Variants in PPM1E observed in about 807,000 individuals in gnomAD.
PPM1E encodes protein phosphatase, Mg2+/Mn2+ dependent 1E.
PPM1E carries 20 observed loss-of-function variants against 65.9 expected under a neutral mutation model. That is an observed-to-expected ratio of 0.30 (90% confidence interval 0.21 to 0.44). The LOEUF (loss-of-function observed/expected upper bound fraction) is 0.44. Among genes scored for constraint, PPM1E ranks in the 20% least tolerant of loss-of-function variants. The pLI is 1.00. For missense variants in PPM1E, 713 were observed against 953.1 expected (o/e 0.75, Z 3.32); for synonymous variants, 352 against 374.9 (o/e 0.94, Z 0.70).
At chr17:58,771,029 G>C (rs995496978) in intron 1 of PPM1E, among the ~76,000 whole-genome samples, 1 of 151,706 alleles carries the variant, frequency 6.6e-6, no homozygotes, top group African/African-American at 2.4e-5. Flanking sequence ...ACTAATTTTT[G>C]TATTTTTAGT....
At chr17:58,965,066 A>G (rs1160886004) in intron 2 of PPM1E, among the ~76,000 whole-genome samples, 1 of 150,620 alleles carries the variant, frequency 6.6e-6, no homozygotes, top group Non-Finnish European at 1.5e-5. Flanking sequence ...AAAAAAAAGT[A>G]TATATATACA....
chr17:58,951,260 G>C (rs1466699159), intron 1 of PPM1E: 4 of 152,226 alleles, frequency 2.6e-5, no homozygotes, highest in Non-Finnish European at 5.9e-5. Flanking sequence ...GAGTCCAGGA[G>C]TTCTGGCCTA....
chr17:58,807,145 G>A (rs2050323886), intron 1 of PPM1E, among the ~76,000 whole-genome samples: 1 of 152,052 alleles, frequency 6.6e-6, no homozygotes, highest in African/African-American at 2.4e-5. Flanking sequence ...TGTTGAACTT[G>A]GATACATGAG....
intron 1 of PPM1E, among the ~76,000 whole-genome samples, chr17:58,787,535 T>A (rs1297213246): frequency 6.6e-6 from 1 of 152,186 alleles, no homozygotes; most frequent in Non-Finnish European, 1.5e-5. Flanking sequence ...ATTATTTCCA[T>A]GTGTGTAGCA....
chr17:58,783,833 G>C (rs547317677), intron 1 of PPM1E, among the ~76,000 whole-genome samples: 1 of 151,746 alleles, frequency 6.6e-6, no homozygotes, highest in Non-Finnish European at 1.5e-5. Context: ...TCAGCCTCCC[G>C]AGTAGCTGGG....
intron 1 of PPM1E, among the ~76,000 whole-genome samples, chr17:58,894,975 CTA>C (rs1344988547): frequency 6.6e-6 from 1 of 152,154 alleles, no homozygotes; most frequent in African/African-American, 2.4e-5. Flanking sequence ...TGTGGCAACT[CTA>C]TGTTCAACAA....
intron 1 of PPM1E, among the ~76,000 whole-genome samples, chr17:58,759,899 T>C (rs1378138675): frequency 6.6e-6 from 1 of 152,234 alleles, no homozygotes; most frequent in Non-Finnish European, 1.5e-5. Flanking sequence ...AATTTACAAA[T>C]ATATAAATGG....
At chr17:58,836,101 A>G (rs1293554957) in intron 1 of PPM1E, 3 of 152,114 alleles carry the variant, frequency 2.0e-5, no homozygotes, top group African/African-American at 7.2e-5. Flanking sequence ...GTGGCTTTAG[A>G]ATCTCTAACA....
At chr17:58,834,602 G>C (rs571810335) in intron 1 of PPM1E, among the ~76,000 whole-genome samples, 1 of 152,236 alleles carries the variant, frequency 6.6e-6, no homozygotes, top group South Asian at 2.1e-4. Context: ...GGTCCATTTT[G>C]TCTCCTACAG....
intron 1 of PPM1E, among the ~76,000 whole-genome samples, chr17:58,891,611 A>T (rs1486314603): frequency 6.6e-6 from 1 of 151,954 alleles, no homozygotes; most frequent in Admixed American, 6.6e-5. Flanking sequence ...GCATGAGCCA[A>T]CGCGCCTGGC....
chr17:58,983,091 TTCTC>T lies in PPM1E; in HGVS notation c.*2061_*2064del. ...AAAAAGTTACTACACATGCTAGGCT[TTCTC>T]AGTGGGGAAAAAAATGGCTGGATAG... On this transcript the variant is annotated 3_prime_UTR_variant, in exon 7 of 7. Transcript: ENST00000308249. 1.7e-6 allele frequency: 1 copy of T among 581,842 alleles called. No individual in the cohort carries two copies. The highest frequency in any genetic ancestry group is 2.9e-6 in the Non-Finnish European group (1 of 339,788). 36.0% of individuals were successfully genotyped at this position (581,842 alleles called of 1,614,324 possible).
intron 1 of PPM1E, among the ~76,000 whole-genome samples, chr17:58,798,857 C>A (rs2050232822): frequency 2.0e-5 from 3 of 151,934 alleles, no homozygotes; most frequent in Admixed American, 2.0e-4. Context: ...CCATGCTCGG[C>A]TAAATTTTGT....
intron 1 of PPM1E, among the ~76,000 whole-genome samples, chr17:58,830,247 G>T (rs2050586888): frequency 6.6e-6 from 1 of 151,830 alleles, no homozygotes; most frequent in Admixed American, 6.6e-5. Context: ...AATTTTGAAG[G>T]CATTAGTCTG....
At chr17:58,810,354 G>A (rs900082167) in intron 1 of PPM1E, among the ~76,000 whole-genome samples, 1 of 151,854 alleles carries the variant, frequency 6.6e-6, no homozygotes, top group Non-Finnish European at 1.5e-5. Context: ...TTACAGGCAC[G>A]CGCCACCATG....
At chr17:58,768,880 G>C (rs2144164625) in intron 1 of PPM1E, among the ~76,000 whole-genome samples, 1 of 152,128 alleles carries the variant, frequency 6.6e-6, no homozygotes, top group African/African-American at 2.4e-5. Context: ...TGTTGGTCAG[G>C]CTGGTCTTGG....
At chr17:58,804,938 A>G (rs1419827324) in intron 1 of PPM1E, among the ~76,000 whole-genome samples, 1 of 151,960 alleles carries the variant, frequency 6.6e-6, no homozygotes, top group African/African-American at 2.4e-5. Flanking sequence ...ATTGTTGCTA[A>G]CTATAGTTAC....
In PPM1E at chr17:58,980,610, C is replaced by T. The variant is rs748141026; in HGVS notation, c.1847C>T (p.Ser616Leu). The stretch of plus-strand genomic sequence containing the variant: ...ATGGAGAAAAAATCAGTTCAGTCAT[C>T]ATTGCCTGAATGGAGTGGTGCTGGA... ...LMMEKKSVQS[S>L]LPEWSGAGEF... is the part of the protein sequence containing the mutation. The change falls in exon 7 of 7, where the codon TCA (serine) becomes TTA (leucine). Residue 616 changes from serine (S) to leucine (L), a missense_variant. This residue lies in a region of PPM1E where 286 missense variants were observed against 313.8 expected (regional missense o/e 0.91). Coordinates refer to ENST00000308249, the MANE Select transcript of PPM1E (RefSeq NM_014906.5). This position sits in a 1 kb window ranked among gnomAD's most constrained non-coding sequence, Gnocchi z 4.7. 25 of 1,614,084 alleles carry T rather than the reference C, an allele frequency of 1.5e-5. No homozygotes were observed. The highest frequency in any genetic ancestry group is 2.1e-5 in the Non-Finnish European group (25 of 1,180,038).
chr17:58,873,513 A>C (rs1212574044), intron 1 of PPM1E, among the ~76,000 whole-genome samples: 1 of 151,572 alleles, frequency 6.6e-6, no homozygotes, highest in Non-Finnish European at 1.5e-5. Context: ...AGCTACGTAG[A>C]GGTAGCAAGA....
intron 1 of PPM1E, among the ~76,000 whole-genome samples, chr17:58,945,952 G>A (rs571698936): frequency 9.2e-5 from 14 of 152,166 alleles, no homozygotes; most frequent in Admixed American, 1.3e-4. Flanking sequence ...TTGCATGGAG[G>A]CTTCATCACG....
Sources: allele counts gnomAD v4.1 joint callset (sites outside exome capture counted in the v4.1 genomes callset), GRCh38; gene constraint gnomAD v4.1.1; regional missense constraint gnomAD v4.1.1; non-coding constraint Gnocchi (gnomAD v3.1); transcripts MANE v1.5; gene names NCBI Gene and HGNC (gene_info 2026-07-23, HGNC 2026-07-21).